Variants in AK5 observed in about 807,000 individuals in gnomAD.
AK5 encodes the protein adenylate kinase 5, also known as adenylate kinase isoenzyme 5.
A neutral mutation model predicts 69.5 loss-of-function variants in AK5; 27 were observed. The observed-to-expected ratio is 0.39, with a 90% CI of 0.29 to 0.54. The LOEUF (loss-of-function observed/expected upper bound fraction) is 0.54, where lower values mean the gene tolerates loss of function less well. Ranked by LOEUF, AK5 falls within the 20% of genes least tolerant of loss-of-function variation. The probability of loss-of-function intolerance (pLI) is 0.71; values close to 1 mark genes in which losing one functional copy is unlikely to be tolerated. For missense variants in AK5, 531 were observed against 700.4 expected (o/e 0.76, Z 2.73); for synonymous variants, 260 against 244.4 (o/e 1.06, Z -0.60).
At chr1:77,307,672 C>G (rs1384975222) in intron 5 of AK5, among the ~76,000 whole-genome samples, 1 of 152,154 alleles carries the variant, frequency 6.6e-6, no homozygotes, top group Non-Finnish European at 1.5e-5. Flanking sequence ...GATTTTCTGT[C>G]TGGAAGATCT....
At chr1:77,347,105 GTT>G (rs1661956448) in intron 6 of AK5, among the ~76,000 whole-genome samples, 1 of 152,128 alleles carries the variant, frequency 6.6e-6, no homozygotes, top group Non-Finnish European at 1.5e-5. Context: ...TCGAGGAAGA[GTT>G]TTTAAAGGTT....
At chr1:77,406,442 G>A (rs532960678) in intron 6 of AK5, among the ~76,000 whole-genome samples, 2 of 152,162 alleles carry the variant, frequency 1.3e-5, no homozygotes, top group East Asian at 3.9e-4. Flanking sequence ...TCAGAGATGA[G>A]AGAGATACAC....
At chr1:77,495,346 A>G (rs1050609178) in intron 10 of AK5, among the ~76,000 whole-genome samples, 4 of 152,234 alleles carry the variant, frequency 2.6e-5, no homozygotes, top group African/African-American at 7.2e-5. Flanking sequence ...GACGTTTGCC[A>G]TAATTATTTG....
At chr1:77,451,831 G>T (rs1486082831) in intron 8 of AK5, among the ~76,000 whole-genome samples, 1 of 152,176 alleles carries the variant, frequency 6.6e-6, no homozygotes, top group Non-Finnish European at 1.5e-5. Context: ...CTCCTGACAA[G>T]ACCCTCCTAC....
At chr1:77,503,455 A>G (rs1344169935) in intron 10 of AK5, among the ~76,000 whole-genome samples, 1 of 152,194 alleles carries the variant, frequency 6.6e-6, no homozygotes, top group Non-Finnish European at 1.5e-5. Context: ...AGTTTTTTCC[A>G]TGCTTTTGGA....
chr1:77,403,598 G>C (rs990170208), intron 6 of AK5, among the ~76,000 whole-genome samples: 1 of 152,234 alleles, frequency 6.6e-6, no homozygotes, highest in Non-Finnish European at 1.5e-5. Context: ...TCAAAGATCA[G>C]ATAGTTGTAG....
intron 8 of AK5, among the ~76,000 whole-genome samples, chr1:77,436,171 T>C (rs1651948378): frequency 6.6e-6 from 1 of 152,162 alleles, no homozygotes; most frequent in South Asian, 2.1e-4. Flanking sequence ...CTTTCTGTCT[T>C]GTTTCTATTT....
chr1:77,552,192 T>G (rs547452244), intron 13 of AK5, among the ~76,000 whole-genome samples: 3 of 152,258 alleles, frequency 2.0e-5, no homozygotes, highest in African/African-American at 7.2e-5. Context: ...AGAACTTTCC[T>G]TACTCCTGAT....
chr1:77,335,668 C>T (rs1292110187), intron 5 of AK5, among the ~76,000 whole-genome samples: 1 of 152,112 alleles, frequency 6.6e-6, no homozygotes, highest in African/African-American at 2.4e-5. Flanking sequence ...ATAATGTATG[C>T]AGGGGTTACA....
chr1:77,475,934 G>T (rs570758775), intron 8 of AK5, among the ~76,000 whole-genome samples: 1 of 151,936 alleles, frequency 6.6e-6, no homozygotes, highest in Admixed American at 6.6e-5. Context: ...TATTTGAGAT[G>T]ATGAAAAAAG....
At chr1:77,338,185 G>A (rs1040513377) in intron 5 of AK5, among the ~76,000 whole-genome samples, 2 of 151,934 alleles carry the variant, frequency 1.3e-5, no homozygotes, top group South Asian at 2.1e-4. Flanking sequence ...GACTGGTCTC[G>A]AACTCCTGAC....
intron 8 of AK5, among the ~76,000 whole-genome samples, chr1:77,462,663 AT>A (rs1307317408): frequency 1.3e-5 from 2 of 152,152 alleles, no homozygotes; most frequent in African/African-American, 4.8e-5. Context: ...TCTCACTATC[AT>A]TTTTAATAGC....
At chr1:77,527,115 C>T (rs1437710790) in intron 12 of AK5, among the ~76,000 whole-genome samples, 1 of 152,092 alleles carries the variant, frequency 6.6e-6, no homozygotes, top group Non-Finnish European at 1.5e-5. Flanking sequence ...GATAATAATA[C>T]CTGTTAACAC....
At chr1:77,394,618 A>G (rs1034634564) in intron 6 of AK5, among the ~76,000 whole-genome samples, 3 of 151,966 alleles carry the variant, frequency 2.0e-5, no homozygotes, top group Non-Finnish European at 2.9e-5. Flanking sequence ...AGTGCATGGC[A>G]TATAGTAGGT....
chr1:77,452,031 C>G (rs1653189836), intron 8 of AK5, among the ~76,000 whole-genome samples: 1 of 152,208 alleles, frequency 6.6e-6, no homozygotes, highest in Admixed American at 6.5e-5. Context: ...TTAAACATAT[C>G]TTTCGGTTCA....
At chr1:77,309,854 T>C (rs941955502) in intron 5 of AK5, among the ~76,000 whole-genome samples, 11 of 152,170 alleles carry the variant, frequency 7.2e-5, no homozygotes, top group African/African-American at 2.2e-4. Flanking sequence ...TTCTAGATAC[T>C]AATCCTTTGC....
At chr1:77,523,185 C>G (rs989126239) in intron 12 of AK5, among the ~76,000 whole-genome samples, 1 of 152,126 alleles carries the variant, frequency 6.6e-6, no homozygotes, top group African/African-American at 2.4e-5. Context: ...GTCAATTGCT[C>G]ATCTTCCCCT....
intron 6 of AK5, among the ~76,000 whole-genome samples, chr1:77,379,482 C>T (rs1647474072): frequency 6.6e-6 from 1 of 152,184 alleles, no homozygotes; most frequent in Non-Finnish European, 1.5e-5. Context: ...TAAAGGGCCA[C>T]TGGTTGTTGT....
Position 77,282,214 on chromosome 1 carries a change from G to C in AK5, c.-100G>C, listed in dbSNP as rs1658097524. The C allele has an allele frequency of 8.6e-7, 1 of 1,158,770 alleles. No homozygotes were observed. The allele number at this position is 1,158,770 out of a possible 1,614,324, so 71.8% of individuals were successfully genotyped here. A position where few individuals can be genotyped will look rare whatever the true frequency, so the allele number is the denominator to read the frequency against. ...GCGTGAGAAAGAGGGCTGCACCGCTGCTCGGCGCGGACTCTGCCAGCCCCA... is the reference window on the plus strand; with the variant it reads ...GCGTGAGAAAGAGGGCTGCACCGCTCCTCGGCGCGGACTCTGCCAGCCCCA... On this transcript the variant is annotated 5_prime_UTR_variant, in exon 1 of 14. Coordinates refer to ENST00000354567, the MANE Select transcript of AK5 (RefSeq NM_174858.3).
Sources: allele counts gnomAD v4.1 joint callset (sites outside exome capture counted in the v4.1 genomes callset), GRCh38; gene constraint gnomAD v4.1.1; transcripts MANE v1.5; gene names NCBI Gene and HGNC (gene_info 2026-07-23, HGNC 2026-07-21).